ZNF778: variants seen among roughly 807,000 people sequenced by gnomAD.
The protein encoded by ZNF778 is zinc finger protein 778.
Under a neutral mutation model 23.9 loss-of-function variants are expected in ZNF778, and 37 were observed. That is an observed-to-expected ratio of 1.54 (90% CI 1.19 to 2.03). ZNF778 has a LOEUF of 2.03. ZNF778 is among the 30% of genes most tolerant of loss of function. The pLI is 0.00. For missense variants in ZNF778, 1,297 were observed against 934.4 expected, an observed-to-expected ratio of 1.39 and a Z score of -5.06; for synonymous variants, 483 against 343.9, an observed-to-expected ratio of 1.40 and a Z score of -4.48.
Position 89,222,943 on chromosome 16 carries a change from A to G in ZNF778, c.118-214A>G, listed in dbSNP as rs547395271. ...CGTGACTGGAGGAGCGCGACAGGGCACGCGTGACTGGAGGAGAGCGACAGG... is the reference window on the plus strand; with the variant it reads ...CGTGACTGGAGGAGCGCGACAGGGCGCGCGTGACTGGAGGAGAGCGACAGG... On this transcript the variant is annotated intron_variant, in intron 3 of 6. Transcript: ENST00000433976. 9.2e-3 allele frequency among the ~76,000 whole-genome samples: 1,188 copies of G among 128,608 alleles called. 17 individuals carry two copies. The highest frequency in any genetic ancestry group is 0.03 in the African/African-American group (1,123 of 37,472). The allele number at this position is 128,608 out of a possible 152,430, so 84.4% of individuals were successfully genotyped here.
Position 89,227,175 on chromosome 16 carries a change from T to A in ZNF778, c.887T>A (p.Leu296His), listed in dbSNP as rs767072868. The A allele has an allele frequency of 1.2e-6, 2 of 1,613,900 alleles. No individual in the cohort carries two copies. The highest frequency in any genetic ancestry group is 2.7e-5 in the African/African-American group (2 of 74,924). Residue 296 changes from leucine to histidine, a missense_variant, in exon 7 of 7, where the codon CTT becomes CAT. Leu to His is a moderately conservative substitution (Grantham distance 99, BLOSUM62 -3). Transcript: ENST00000433976. Reference sequence around the variant, plus strand: ...AAGGCCTTTAGGTACACTGCCTACCTTACTGGTCGCGTGCAAGTCCACCCT... The same window carrying A: ...AAGGCCTTTAGGTACACTGCCTACCATACTGGTCGCGTGCAAGTCCACCCT... ...CGKAFRYTAY[L>H]TGRVQVHPGE...
At position 89,232,760 on chromosome 16, in the gene ZNF778, C is replaced by T; in HGVS notation, c.*4198C>T. 1 of 1,287,676 alleles carries T rather than the reference C, an allele frequency of 7.8e-7. No homozygotes were observed. Among genetic ancestry groups the T allele is most frequent in the Non-Finnish European group, 1.0e-6 (1 of 987,520 alleles). 79.8% of individuals were successfully genotyped at this position (1,287,676 alleles called of 1,614,324 possible). A position where few individuals can be genotyped will look rare whatever the true frequency, so the allele number is the denominator to read the frequency against. On this transcript the variant is annotated 3_prime_UTR_variant, in exon 7 of 7. Transcript: ENST00000433976. ...GTAAACAACTTGCTGGAAACATGCACTGCATATACAAATCAACTCACTGCA... is the reference window on the plus strand; with the variant it reads ...GTAAACAACTTGCTGGAAACATGCATTGCATATACAAATCAACTCACTGCA...
intron 2 of ZNF778, among the ~76,000 whole-genome samples, chr16:89,221,790 G>A (rs1291367561): frequency 6.6e-6 from 1 of 150,632 alleles, no homozygotes; most frequent in Non-Finnish European, 1.5e-5. Flanking sequence ...GACTGTGTGT[G>A]TGTGTGTGTG....
At chr16:89,226,228 G>A (rs2031463208) in intron 6 of ZNF778, among the ~76,000 whole-genome samples, 1 of 151,694 alleles carries the variant, frequency 6.6e-6, no homozygotes, top group African/African-American at 2.4e-5. Flanking sequence ...TTTTTGACAT[G>A]GAGTTTTGCT....
In ZNF778 at chr16:89,230,160, GC is replaced by G; in HGVS notation, c.*1601del. 1.7e-6 allele frequency: 1 copy of G among 595,062 alleles called. No homozygotes were observed. The highest frequency in any genetic ancestry group is 2.1e-6 in the Non-Finnish European group (1 of 474,416). 36.9% of individuals were successfully genotyped at this position (595,062 alleles called of 1,614,324 possible). A position where few individuals can be genotyped will look rare whatever the true frequency, so the allele number is the denominator to read the frequency against. On this transcript the variant is annotated 3_prime_UTR_variant, in exon 7 of 7. Transcript: ENST00000433976. ...ACACAGCTCTACATTTTATGAAAAT[GC>G]CCTTGTTCCTCTCCCATACCTGATC...
At chr16:89,219,147 A>G in intron 1 of ZNF778, among the ~76,000 whole-genome samples, 1 of 152,150 alleles carries the variant, frequency 6.6e-6, no homozygotes, top group Non-Finnish European at 1.5e-5. Context: ...GAGGTCATCC[A>G]CTGTCTACTT....
intron 1 of ZNF778, among the ~76,000 whole-genome samples, chr16:89,219,055 C>T (rs1340501884): frequency 6.6e-6 from 1 of 151,854 alleles, no homozygotes; most frequent in African/African-American, 2.4e-5. Flanking sequence ...TGCGGTGAGC[C>T]AAGATCGTGC....
chr16:89,221,268 T>A, intron 2 of ZNF778, 116 bp downstream of exon 2: 1 of 1,229,686 alleles, frequency 8.1e-7, no homozygotes, highest in Non-Finnish European at 1.1e-6. Context: ...CTATTGCAGC[T>A]GCTGGAGTGA....
chr16:89,220,531 G>A (rs539320985), intron 1 of ZNF778, among the ~76,000 whole-genome samples: 49 of 152,276 alleles, frequency 3.2e-4, no homozygotes, highest in Non-Finnish European at 6.8e-4. Context: ...GGTGGCACTC[G>A]CCTGTAGTCT....
chr16:89,236,342 TGTA>T lies in ZNF778; in HGVS notation c.*7782_*7784del, dbSNP rs1250145986. The T allele has an allele frequency of 6.6e-6, 1 of 152,064 alleles. No homozygotes were observed. Among genetic ancestry groups the T allele is most frequent in the Non-Finnish European group, 1.5e-5 (1 of 68,020 alleles). The allele number at this position is 152,064 out of a possible 1,614,324, so 9.4% of individuals were successfully genotyped here. ...GGAAGCCATAGAGGCCAACAGGAAA[TGTA>T]GGAGCATTTTTCAAGTTCTGAAATA... On this transcript the variant is annotated 3_prime_UTR_variant, in exon 7 of 7. Transcript: ENST00000433976.
rs1462707883 is a variant in ZNF778 at position 89,228,670 on chromosome 16, G to T, written c.*108G>T. ...CTTGAGGAATGTGGCTAGGCAATCA[G>T]CATCTCATCACAACCCGGCAGGCAG... is the stretch of plus-strand genomic sequence containing the variant. On this transcript the variant is annotated 3_prime_UTR_variant, in exon 7 of 7. Transcript: ENST00000433976. 4 of 1,499,240 alleles carry T rather than the reference G, an allele frequency of 2.7e-6. No individual in the cohort carries two copies. Among genetic ancestry groups the T allele is most frequent in the Non-Finnish European group, 3.5e-6 (4 of 1,130,200 alleles). The allele number at this position is 1,499,240 out of a possible 1,614,324, so 92.9% of individuals were successfully genotyped here.
intron 4 of ZNF778, among the ~76,000 whole-genome samples, chr16:89,223,901 C>T (rs986601969): frequency 8.5e-5 from 13 of 152,092 alleles, no homozygotes; most frequent in African/African-American, 1.4e-4. Flanking sequence ...AGTTCCTGGC[C>T]GGGCGCGGTG....
Position 89,227,947 on chromosome 16 carries a change from AACTCACAC to A in ZNF778, c.1661_1668del (p.Thr554ArgfsTer22). 1 of 1,590,104 alleles carries A rather than the reference AACTCACAC, an allele frequency of 6.3e-7. No homozygotes were observed. Among genetic ancestry groups the A allele is most frequent in the Non-Finnish European group, 8.6e-7 (1 of 1,165,254 alleles). The stretch of plus-strand genomic sequence containing the variant: ...TTTATCTACTGAATGAGCATGTGAA[AACTCACAC>A]AGAGGAGAAGCCCTTTATATGTACG... On this transcript the variant is annotated frameshift_variant, in exon 7 of 7. Coordinates refer to ENST00000433976, the MANE Select transcript of ZNF778 (RefSeq NM_001201407.2). LOFTEE classifies it low-confidence loss of function (END_TRUNC).
chr16:89,228,687 G>A lies in ZNF778; in HGVS notation c.*125G>A, dbSNP rs922806525. On this transcript the variant is annotated 3_prime_UTR_variant, in exon 7 of 7. Coordinates refer to ENST00000433976, the MANE Select transcript of ZNF778 (RefSeq NM_001201407.2). ...GGCAATCAGCATCTCATCACAACCCGGCAGGCAGGAACTCACCCTGGAGCC... is the reference window on the plus strand; with the variant it reads ...GGCAATCAGCATCTCATCACAACCCAGCAGGCAGGAACTCACCCTGGAGCC... 5.3e-5 allele frequency: 78 copies of A among 1,475,050 alleles called. No homozygotes were observed. The highest frequency in any genetic ancestry group is 5.1e-4 in the Middle Eastern group (2 of 3,946). The allele number at this position is 1,475,050 out of a possible 1,614,324, so 91.4% of individuals were successfully genotyped here. A position where few individuals can be genotyped will look rare whatever the true frequency, so the allele number is the denominator to read the frequency against.
At chr16:89,223,892 GT>G (rs1567500205) in intron 4 of ZNF778, among the ~76,000 whole-genome samples, 2 of 152,038 alleles carry the variant, frequency 1.3e-5, no homozygotes, top group Non-Finnish European at 2.9e-5. Context: ...AACAAACGTA[GT>G]TCCTGGCCGG....
Position 89,234,119 on chromosome 16 carries a change from G to A in ZNF778, c.*5557G>A, listed in dbSNP as rs2032164804. 2.0e-6 allele frequency: 1 copy of A among 491,266 alleles called. No individual in the cohort carries two copies. The highest frequency in any genetic ancestry group is 3.8e-6 in the Non-Finnish European group (1 of 262,766). 30.4% of individuals were successfully genotyped at this position (491,266 alleles called of 1,614,324 possible). The stretch of plus-strand genomic sequence containing the variant: ...TGATGTGCCGCCTTCTCTTGACACT[G>A]TGAGTGATAAACTTTCCATGTCAGG... On this transcript the variant is annotated 3_prime_UTR_variant, in exon 7 of 7. Coordinates refer to ENST00000433976, the MANE Select transcript of ZNF778 (RefSeq NM_001201407.2).
chr16:89,227,950 T>A lies in ZNF778; in HGVS notation c.1662T>A (p.Thr554=). Residue 554 remains threonine (T), a synonymous_variant, in exon 7 of 7, where the codon ACT becomes ACA. Coordinates refer to ENST00000433976, the MANE Select transcript of ZNF778 (RefSeq NM_001201407.2). The part of the protein sequence containing the change: ...RVYLLNEHVK[T]HTEEKPFICT... ...ATCTACTGAATGAGCATGTGAAAAC[T>A]CACACAGAGGAGAAGCCCTTTATAT... 1 of 1,589,904 alleles carries A rather than the reference T, an allele frequency of 6.3e-7. No homozygotes were observed. Among genetic ancestry groups the A allele is most frequent in the Non-Finnish European group, 8.6e-7 (1 of 1,165,154 alleles).
In ZNF778 at chr16:89,229,844, G is replaced by A. The variant is rs183434115; in HGVS notation, c.*1282G>A. 9.0e-5 allele frequency: 89 copies of A among 984,552 alleles called. No individual in the cohort carries two copies. In the African/African-American group the frequency reaches 1.5e-3, roughly 16 times the overall value. 61.0% of individuals were successfully genotyped at this position (984,552 alleles called of 1,614,324 possible). A position where few individuals can be genotyped will look rare whatever the true frequency, so the allele number is the denominator to read the frequency against. On this transcript the variant is annotated 3_prime_UTR_variant, in exon 7 of 7. Coordinates refer to ENST00000433976, the MANE Select transcript of ZNF778 (RefSeq NM_001201407.2). The stretch of plus-strand genomic sequence containing the variant: ...CCAGATGTGATCCTGTGTGAGCAGC[G>A]TAGGCTCTGGTTGGTTAGTCTTGAG...
rs1257333360 is a variant in ZNF778 at position 89,227,641 on chromosome 16, T to C, written c.1353T>C (p.Cys451=). ...RTHTGEKPYT[C]KDCGKAFCTS... is the part of the protein sequence containing the mutation. ...ACACGGGCGAGAAGCCATACACGTG[T>C]AAGGACTGCGGGAAAGCCTTCTGTA... The change falls in exon 7 of 7, where the codon TGT becomes TGC. Residue 451 remains cysteine, a synonymous_variant. Coordinates refer to ENST00000433976, the MANE Select transcript of ZNF778 (RefSeq NM_001201407.2). The C allele has an allele frequency of 7.4e-6, 12 of 1,614,034 alleles. No individual in the cohort carries two copies. The highest frequency in any genetic ancestry group is 9.3e-6 in the Non-Finnish European group (11 of 1,179,996).
Sources: gnomAD v4.1 joint callset for allele counts (sites outside exome capture counted in the v4.1 genomes callset) on GRCh38, gnomAD v4.1.1 for gene constraint, MANE v1.5 for transcripts, NCBI Gene and HGNC (gene_info 2026-07-23, HGNC 2026-07-21) for gene names.